The following FNBP1L variants were observed in gnomAD, a reference collection of about 807,000 sequenced individuals.
The protein encoded by FNBP1L is formin-binding protein 1-like.
FNBP1L carries 36 observed loss-of-function variants against 91.2 expected under a neutral mutation model. That is an observed-to-expected ratio of 0.39 (90% CI 0.30 to 0.52). FNBP1L has a LOEUF of 0.52. Ranked by LOEUF, FNBP1L falls within the 20% of genes least tolerant of loss-of-function variation. The pLI, the probability that FNBP1L is intolerant of heterozygous loss-of-function variation, is 0.66. For missense variants in FNBP1L, 571 were observed against 732.1 expected (o/e 0.78, Z 2.54); for synonymous variants, 242 against 237.0 (o/e 1.02, Z -0.19).
intron 2 of FNBP1L, among the ~76,000 whole-genome samples, chr1:93,510,340 AG>A (rs1670786441): frequency 6.6e-6 from 1 of 152,200 alleles, no homozygotes; most frequent in Non-Finnish European, 1.5e-5. Context: ...ACCCCCCAGC[AG>A]GGGCAGACTG....
intron 1 of FNBP1L, among the ~76,000 whole-genome samples, chr1:93,467,117 A>G (rs1055915510): frequency 6.6e-6 from 1 of 152,190 alleles, no homozygotes; most frequent in Non-Finnish European, 1.5e-5. Flanking sequence ...TTGGCCTCCC[A>G]AAGTGCTGGA....
chr1:93,521,043 A>G (rs1048879349), intron 2 of FNBP1L, among the ~76,000 whole-genome samples: 32 of 79,926 alleles, frequency 4.0e-4, no homozygotes, highest in African/African-American at 1.5e-3. Flanking sequence ...CTCCATCTCA[A>G]TAAACCAACC....
intron 2 of FNBP1L, among the ~76,000 whole-genome samples, chr1:93,508,928 C>T (rs1459039348): frequency 6.6e-6 from 1 of 152,182 alleles, no homozygotes; most frequent in Non-Finnish European, 1.5e-5. Flanking sequence ...CCAGTAGGCT[C>T]TTTTTCCGTG....
intron 16 of FNBP1L, 151 bp downstream of exon 16, chr1:93,551,256 G>C (rs1298080743): frequency 1.4e-5 from 18 of 1,325,042 alleles, no homozygotes; most frequent in Admixed American, 3.3e-5. Context: ...TGTGAGCTGA[G>C]TGTAGGCTTG....
At chr1:93,482,885 G>A (rs763151604) in intron 1 of FNBP1L, among the ~76,000 whole-genome samples, 4 of 151,960 alleles carry the variant, frequency 2.6e-5, no homozygotes, top group East Asian at 1.9e-4. Flanking sequence ...AGGCGTGGTC[G>A]CGGGCGCCTG....
intron 1 of FNBP1L, among the ~76,000 whole-genome samples, chr1:93,479,322 A>G (rs1347986825): frequency 6.6e-6 from 1 of 152,234 alleles, no homozygotes; most frequent in Non-Finnish European, 1.5e-5. Context: ...GGGCAAGGAC[A>G]AAAGCAAAGA....
chr1:93,511,965 CAAAAAAAA>C (rs34752421), intron 2 of FNBP1L, among the ~76,000 whole-genome samples: 1 of 66,298 alleles, frequency 1.5e-5, no homozygotes, highest in South Asian at 6.0e-4. Context: ...GACTCCGTCT[CAAAAAAAA>C]AAAAAAAAAA....
intron 2 of FNBP1L, among the ~76,000 whole-genome samples, chr1:93,512,299 T>G (rs1367837961): frequency 2.0e-5 from 3 of 151,838 alleles, no homozygotes. Flanking sequence ...ACAAAGAGAC[T>G]TAGACTCCCA....
intron 1 of FNBP1L, among the ~76,000 whole-genome samples, chr1:93,458,948 G>A (rs879431000): frequency 6.6e-6 from 1 of 152,192 alleles, no homozygotes; most frequent in Non-Finnish European, 1.5e-5. Context: ...GGTACTACAC[G>A]AGGTTTTAGG....
intron 1 of FNBP1L, among the ~76,000 whole-genome samples, chr1:93,463,999 A>T (rs1345212427): frequency 2.6e-5 from 4 of 152,206 alleles, no homozygotes; most frequent in African/African-American, 9.6e-5. Flanking sequence ...AAGATCATGT[A>T]GAATAGTTTC....
intron 1 of FNBP1L, among the ~76,000 whole-genome samples, 161 bp from the exon 2 acceptor site, chr1:93,499,307 A>G (rs1348165495): frequency 3.3e-5 from 5 of 152,102 alleles, no homozygotes; most frequent in African/African-American, 1.2e-4. Flanking sequence ...GGGACGACCT[A>G]TTTCTAGGTC....
chr1:93,537,837 GTTTA>G (rs1671896469), intron 10 of FNBP1L, among the ~76,000 whole-genome samples: 2 of 152,096 alleles, frequency 1.3e-5, no homozygotes, highest in African/African-American at 4.8e-5. Flanking sequence ...CCCTATGGCA[GTTTA>G]TTTATTACTT....
intron 2 of FNBP1L, among the ~76,000 whole-genome samples, chr1:93,520,898 T>C (rs1671297387): frequency 6.6e-6 from 1 of 151,946 alleles, no homozygotes. Flanking sequence ...AAAAATCAGC[T>C]GGGTGTGGTG....
chr1:93,448,596 C>T (rs1002328033), intron 1 of FNBP1L, among the ~76,000 whole-genome samples: 1 of 152,174 alleles, frequency 6.6e-6, no homozygotes, highest in African/African-American at 2.4e-5. Flanking sequence ...CCGTGATCCC[C>T]TCTTGTTCCT....
Position 93,552,490 on chromosome 1 carries a change from G to C in FNBP1L, c.*74G>C. ...GCTGCTTTTGGGGGAGGGTATTAGA[G>C]TTGTCAGGCTCAAAGAGAGTGAGAG... On this transcript the variant is annotated 3_prime_UTR_variant, in exon 17 of 17. Coordinates refer to ENST00000271234, the MANE Select transcript of FNBP1L (RefSeq NM_001164473.3). 6.4e-7 allele frequency: 1 copy of C among 1,565,258 alleles called. No homozygotes were observed. The highest frequency in any genetic ancestry group is 8.7e-7 in the Non-Finnish European group (1 of 1,146,876).
At chr1:93,493,218 G>A (rs1490643989) in intron 1 of FNBP1L, among the ~76,000 whole-genome samples, 3 of 152,042 alleles carry the variant, frequency 2.0e-5, no homozygotes, top group Non-Finnish European at 4.4e-5. Context: ...GAGCCATGGG[G>A]CATCTCTGTA....
chr1:93,495,633 C>T (rs1159841698), intron 1 of FNBP1L, among the ~76,000 whole-genome samples: 1 of 152,126 alleles, frequency 6.6e-6, no homozygotes, highest in Admixed American at 6.5e-5. Flanking sequence ...TATTTATCTT[C>T]TGGCTGTTTC....
intron 1 of FNBP1L, among the ~76,000 whole-genome samples, chr1:93,485,863 A>C (rs1669878583): frequency 6.6e-6 from 1 of 151,796 alleles, no homozygotes; most frequent in Admixed American, 6.6e-5. Flanking sequence ...CGCCTGGCTG[A>C]TTATTTTTGT....
chr1:93,517,129 C>T (rs142084634), intron 2 of FNBP1L, among the ~76,000 whole-genome samples: 11 of 151,420 alleles, frequency 7.3e-5, no homozygotes, highest in Admixed American at 2.6e-4. Context: ...ATGCAACCTC[C>T]GCTTTCCGGA....
Sources: gnomAD v4.1 joint callset for allele counts (sites outside exome capture counted in the v4.1 genomes callset) on GRCh38, gnomAD v4.1.1 for gene constraint, MANE v1.5 for transcripts, NCBI Gene and HGNC (gene_info 2026-07-23, HGNC 2026-07-21) for gene names.